The following CCDC6 variants were observed in gnomAD, a reference collection of about 807,000 sequenced individuals.
CCDC6 encodes the protein coiled-coil domain containing 6.
Under a neutral mutation model 56.6 loss-of-function variants are expected in CCDC6, and 20 were observed. The ratio of observed to expected loss-of-function variants is 0.35; its 90% CI spans 0.25 to 0.51. The LOEUF (loss-of-function observed/expected upper bound fraction) is 0.51. Among genes scored for constraint, CCDC6 ranks in the 20% least tolerant of loss-of-function variants. The pLI is 0.95. For synonymous variants in CCDC6, 241 were observed against 234.4 expected, an observed-to-expected ratio of 1.03 and a Z score of -0.26; for missense variants, 367 against 601.1, an observed-to-expected ratio of 0.61 and a Z score of 4.07.
intron 7 of CCDC6, among the ~76,000 whole-genome samples, chr10:59,801,990 A>G (rs958344613): frequency 6.6e-6 from 1 of 152,122 alleles, no homozygotes; most frequent in Non-Finnish European, 1.5e-5. Context: ...ACTGGATCGA[A>G]ACCAATGTCT....
At chr10:59,842,569 G>A (rs2070949050) in intron 2 of CCDC6, among the ~76,000 whole-genome samples, 1 of 152,020 alleles carries the variant, frequency 6.6e-6, no homozygotes, top group South Asian at 2.1e-4. Context: ...ATGGTGCATT[G>A]TCCTTTTAAT....
At chr10:59,869,422 G>GA (rs2071208145) in intron 1 of CCDC6, among the ~76,000 whole-genome samples, 4 of 39,436 alleles carry the variant, frequency 1.0e-4, no homozygotes, top group Non-Finnish European at 1.4e-4. Context: ...AAAAAAAACA[G>GA]AAAAAAGAAA....
rs867063856 is a variant in CCDC6, at chr10:59,885,925, C to T, written c.303+20197G>A. Among the ~76,000 whole-genome samples the T allele has an allele frequency of 6.2e-5, 8 of 129,048 alleles. No individual in the cohort carries two copies. The East Asian group carries it at 1.6e-3, about 26-fold the overall frequency. 84.7% of individuals were successfully genotyped at this position (129,048 alleles called of 152,430 possible). The stretch of plus-strand genomic sequence containing the variant: ...TCTATTTCCAACCCCGCCCCCCGCC[C>T]CCCCAACTAGAATATCAGCTGCCAG... On this transcript the variant is annotated intron_variant, in intron 1 of 8. Transcript: ENST00000263102.
chr10:59,796,970 CAAAAAAA>C (rs56723229), intron 7 of CCDC6, among the ~76,000 whole-genome samples: 2 of 120,072 alleles, frequency 1.7e-5, no homozygotes, highest in African/African-American at 2.8e-5. Flanking sequence ...GATTCCATCT[CAAAAAAA>C]AAAAAAAAAA....
chr10:59,837,746 C>CAAAAAA (rs397940135), intron 2 of CCDC6, among the ~76,000 whole-genome samples: 35 of 49,714 alleles, frequency 7.0e-4, no homozygotes, highest in African/African-American at 1.1e-3. Context: ...GACTCTGTCT[C>CAAAAAA]AAAAAAAAAA....
intron 3 of CCDC6, among the ~76,000 whole-genome samples, chr10:59,831,162 G>C (rs1589043384): frequency 6.6e-6 from 1 of 152,188 alleles, no homozygotes; most frequent in African/African-American, 2.4e-5. Flanking sequence ...CACGGGGCAT[G>C]GTGTCTGGTT....
At chr10:59,828,918 T>C (rs1261680018) in intron 3 of CCDC6, among the ~76,000 whole-genome samples, 5 of 152,242 alleles carry the variant, frequency 3.3e-5, no homozygotes, top group Admixed American at 3.3e-4. Context: ...CATCTTGGAC[T>C]TCTAGCTCTA....
chr10:59,893,611 AACAAATACATAC>A (rs1435508355), intron 1 of CCDC6, among the ~76,000 whole-genome samples: 8 of 139,208 alleles, frequency 5.7e-5, no homozygotes, highest in Non-Finnish European at 1.2e-4. Context: ...GTCTCAAACA[AACAAATACATAC>A]ATACATACAT....
chr10:59,893,660 ATAC>A (rs2071441546), intron 1 of CCDC6, among the ~76,000 whole-genome samples: 1 of 143,510 alleles, frequency 7.0e-6, no homozygotes, highest in Non-Finnish European at 1.6e-5. Flanking sequence ...ACATACATAC[ATAC>A]ATACAATGAG....
intron 1 of CCDC6, among the ~76,000 whole-genome samples, chr10:59,858,221 T>C (rs541916869): frequency 3.3e-5 from 5 of 152,332 alleles, no homozygotes; most frequent in African/African-American, 1.2e-4. Context: ...TTCAGTCACA[T>C]GCCTGAGAAT....
At chr10:59,892,793 A>G (rs929537212) in intron 1 of CCDC6, among the ~76,000 whole-genome samples, 5 of 152,172 alleles carry the variant, frequency 3.3e-5, no homozygotes, top group African/African-American at 1.2e-4. Context: ...CAAGGCTCAA[A>G]GGCCCTAAAT....
At chr10:59,820,352 G>A (rs1409916950) in intron 3 of CCDC6, among the ~76,000 whole-genome samples, 1 of 152,164 alleles carries the variant, frequency 6.6e-6, no homozygotes, top group East Asian at 1.9e-4. Context: ...GCTTTGAAAG[G>A]TTTTAGTTTA....
At chr10:59,878,293 C>T (rs2071301699) in intron 1 of CCDC6, among the ~76,000 whole-genome samples, 2 of 152,204 alleles carry the variant, frequency 1.3e-5, no homozygotes, top group Admixed American at 1.3e-4. Context: ...AGAAGCCCTA[C>T]ACTTGACAGC....
chr10:59,792,707 A>G lies in CCDC6; in HGVS notation c.*210T>C, dbSNP rs778748894. ...ACGTACATGAAGATTCAAGTAAAACACTGATGGAAAAAGTCGTCTGGTTAG... is the reference window on the plus strand; with the variant it reads ...ACGTACATGAAGATTCAAGTAAAACGCTGATGGAAAAAGTCGTCTGGTTAG... On this transcript the variant is annotated 3_prime_UTR_variant, in exon 9 of 9. Coordinates refer to ENST00000263102, the MANE Select transcript of CCDC6 (RefSeq NM_005436.5). 7.9e-6 allele frequency: 6 copies of G among 763,418 alleles called. No homozygotes were observed. The highest frequency in any genetic ancestry group is 1.7e-5 in the African/African-American group (1 of 59,252). 47.3% of individuals were successfully genotyped at this position (763,418 alleles called of 1,614,324 possible).
At chr10:59,871,468 T>TAAAAA (rs138741485) in intron 1 of CCDC6, among the ~76,000 whole-genome samples, 1 of 98,492 alleles carries the variant, frequency 1.0e-5, no homozygotes, top group Non-Finnish European at 2.0e-5. Context: ...TAATACTCAT[T>TAAAAA]AAAAAAAAAA....
In CCDC6 at chr10:59,814,874, T is replaced by A. The variant is rs146360411; in HGVS notation, c.583-119A>T. On this transcript the variant is annotated intron_variant, in intron 3 of 8. Transcript: ENST00000263102. The stretch of plus-strand genomic sequence containing the variant: ...AGAATACTGCAAACATGTGGCCAAT[T>A]TTCTGGCACAAACATATTAAGTGCA... The A allele has an allele frequency of 1.0e-3, 655 of 652,340 alleles. 5 individuals carry two copies. The African/African-American group carries it at 0.011, about 11-fold the overall frequency. 40.4% of individuals were successfully genotyped at this position (652,340 alleles called of 1,614,324 possible).
chr10:59,797,588 CAAAAAAA>C (rs10561094), intron 7 of CCDC6, among the ~76,000 whole-genome samples: 651 of 31,546 alleles, frequency 0.021, 6 homozygotes, highest in East Asian at 0.16. Context: ...AACCTCCTAG[CAAAAAAA>C]AAAAAAAAAA....
At chr10:59,824,580 G>C (rs1420509863) in intron 3 of CCDC6, among the ~76,000 whole-genome samples, 2 of 152,080 alleles carry the variant, frequency 1.3e-5, no homozygotes, top group Non-Finnish European at 2.9e-5. Flanking sequence ...GTCTCCAATA[G>C]AGCTTATCTA....
intron 3 of CCDC6, 52 bp from the exon 4 acceptor site, chr10:59,814,807 T>G (rs367728541): frequency 8.3e-7 from 1 of 1,198,430 alleles, no homozygotes. Context: ...TATACTTTGT[T>G]AATACATTTT....
Sources: allele counts gnomAD v4.1 joint callset (sites outside exome capture counted in the v4.1 genomes callset), GRCh38; gene constraint gnomAD v4.1.1; transcripts MANE v1.5; gene names NCBI Gene and HGNC (gene_info 2026-07-23, HGNC 2026-07-21).